The following SSB variants were observed in gnomAD, a reference collection of about 807,000 sequenced individuals.
The protein encoded by SSB is lupus La protein.
In SSB, 17 loss-of-function variants were observed where a neutral mutation model predicts 52.9. The observed-to-expected ratio is 0.32, with a 90% CI of 0.22 to 0.48. The LOEUF is 0.48. SSB is among the 20% of genes least tolerant of loss of function. The pLI is 0.99. For synonymous variants in SSB, 111 were observed against 152.1 expected, an observed-to-expected ratio of 0.73 and a Z score of 1.99; for missense variants, 314 against 463.6, an observed-to-expected ratio of 0.68 and a Z score of 2.96.
intron 6 of SSB, among the ~76,000 whole-genome samples, chr2:169,807,737 C>CTTT (rs55845251): frequency 0.16 from 11,699 of 73,528 alleles, 1,862 homozygotes; most frequent in African/African-American, 0.21. Context: ...GCCTATATGT[C>CTTT]TTTTTTTTTT....
At chr2:169,809,423 A>G (rs943872167) in intron 8 of SSB, among the ~76,000 whole-genome samples, 2 of 152,164 alleles carry the variant, frequency 1.3e-5, no homozygotes. Context: ...ATATTTTGAA[A>G]TATTCAGAAA....
In SSB at chr2:169,805,656, A is replaced by G; in HGVS notation, c.171-9A>G. The G allele has an allele frequency of 6.2e-7, 1 of 1,613,282 alleles. No homozygotes were observed. Among genetic ancestry groups the G allele is most frequent in the East Asian group, 2.2e-5 (1 of 44,840 alleles). On this transcript the variant is annotated splice_polypyrimidine_tract_variant and intron_variant, in intron 3 of 11. Transcript: ENST00000260956. ...TGCTGAGTCTTATGTTTTTATATGT[A>G]CTCTTCAGGTTGAACCGTCTAACAA... is the stretch of plus-strand genomic sequence containing the variant.
intron 8 of SSB, 144 bp downstream of exon 8, chr2:169,809,046 T>A: frequency 1.4e-6 from 1 of 724,698 alleles, no homozygotes; most frequent in Non-Finnish European, 2.5e-6. Flanking sequence ...AGGTATTATA[T>A]TGAGGGAAAA....
Position 169,811,304 on chromosome 2 carries a change from T to A in SSB, c.1119T>A (p.His373Gln). ...CTAGTGATGATGAACATGATGAACA[T>A]GATGAAAATGGTGCAACTGGTAAGT... ...KFASDDEHDEHDENGATGPVK... is the reference protein window; with the variant it reads ...KFASDDEHDEQDENGATGPVK... The change falls in exon 11 of 12, where the codon CAT becomes CAA. Residue 373 changes from histidine to glutamine, a missense_variant. Transcript: ENST00000260956. 6.3e-7 allele frequency: 1 copy of A among 1,590,470 alleles called. No individual in the cohort carries two copies. Among genetic ancestry groups the A allele is most frequent in the Non-Finnish European group, 8.5e-7 (1 of 1,173,398 alleles).
Position 169,811,284 on chromosome 2 carries a change from G to GATGATGAAC in SSB, c.1117_1125dup (p.His373_Glu375dup), listed in dbSNP as rs568710324. On this transcript the variant is annotated inframe_insertion, in exon 11 of 12. Transcript: ENST00000260956. ...GGGCAAGAAAACGAAATTTGCTAGTGATGATGAACATGATGAACATGATGA... is the reference window on the plus strand; with the variant it reads ...GGGCAAGAAAACGAAATTTGCTAGTGATGATGAACATGATGAACATGATGAACATGATGA... 2.2e-5 allele frequency: 36 copies of GATGATGAAC among 1,609,120 alleles called. No homozygotes were observed. The highest frequency in any genetic ancestry group is 3.1e-5 in the Non-Finnish European group (36 of 1,178,890).
intron 6 of SSB, among the ~76,000 whole-genome samples, chr2:169,808,156 A>G (rs1689867386): frequency 6.6e-6 from 1 of 152,124 alleles, no homozygotes; most frequent in African/African-American, 2.4e-5. Flanking sequence ...GAAATTGCTA[A>G]TGGATAGGGG....
At chr2:169,800,581 C>T (rs1214690707) in intron 1 of SSB, among the ~76,000 whole-genome samples, 1 of 131,670 alleles carries the variant, frequency 7.6e-6, no homozygotes. Flanking sequence ...AACAAATGCA[C>T]AGAGAGCCAT....
At chr2:169,807,163 C>A in intron 6 of SSB, 92 bp downstream of exon 6, 1 of 962,990 alleles carries the variant, frequency 1.0e-6, no homozygotes, top group Non-Finnish European at 1.6e-6. Context: ...CCTGAAAGGC[C>A]AATATTCTTA....
intron 2 of SSB, among the ~76,000 whole-genome samples, chr2:169,803,863 C>G (rs1211572850): frequency 6.6e-6 from 1 of 151,908 alleles, no homozygotes; most frequent in Non-Finnish European, 1.5e-5. Context: ...CTCAGCCATC[C>G]GAGTAGTTGG....
At chr2:169,803,485 G>A (rs1689753020) in intron 2 of SSB, among the ~76,000 whole-genome samples, 1 of 152,016 alleles carries the variant, frequency 6.6e-6, no homozygotes, top group African/African-American at 2.4e-5. Flanking sequence ...CCTGACCTCG[G>A]GTGATCCACC....
chr2:169,802,976 A>T (rs555923914), intron 2 of SSB, among the ~76,000 whole-genome samples: 9 of 152,186 alleles, frequency 5.9e-5, no homozygotes, highest in Non-Finnish European at 1.3e-4. Flanking sequence ...CTTATATATA[A>T]ATCTTAGTAA....
At chr2:169,801,069 A>T (rs1689702452) in intron 2 of SSB, 43 bp downstream of exon 2, 1 of 1,463,452 alleles carries the variant, frequency 6.8e-7, no homozygotes, top group Non-Finnish European at 9.2e-7. Context: ...AGTTCCTTGA[A>T]AGAAAATACA....
intron 2 of SSB, among the ~76,000 whole-genome samples, chr2:169,802,557 G>A (rs1689734539): frequency 6.6e-6 from 1 of 152,072 alleles, no homozygotes; most frequent in Admixed American, 6.6e-5. Context: ...ATACTAAGAT[G>A]TATATAGAAA....
rs1689701918 is a variant in SSB, at chr2:169,801,036, C to T, written c.66+10C>T. On this transcript the variant is annotated intron_variant, in intron 2 of 11. Transcript: ENST00000260956. ...CTGTCATCAAATTGAGGTATGATTC[C>T]TGTGCTATAAACTGCAAAAACAAGT... The T allele has an allele frequency of 6.3e-7, 1 of 1,585,706 alleles. No homozygotes were observed. The highest frequency in any genetic ancestry group is 1.9e-5 in the Admixed American group (1 of 53,872).
rs766329392 is a variant in SSB, at chr2:169,811,815, G to C, written c.*59G>C. The C allele has an allele frequency of 1.2e-6, 2 of 1,613,512 alleles. No homozygotes were observed. The highest frequency in any genetic ancestry group is 3.3e-5 in the Admixed American group (2 of 59,962). On this transcript the variant is annotated 3_prime_UTR_variant, in exon 12 of 12. Coordinates refer to ENST00000260956, the MANE Select transcript of SSB (RefSeq NM_003142.5). ...GGTTTTAAACGACTTTTGTTTGCGG[G>C]GCTTTTAAAAGGAAAACCGAATTAG...
At chr2:169,805,236 A>T (rs1484340127) in intron 2 of SSB, among the ~76,000 whole-genome samples, 1 of 152,154 alleles carries the variant, frequency 6.6e-6, no homozygotes, top group Non-Finnish European at 1.5e-5. Context: ...ATAATCTTTA[A>T]ATATATTCTT....
chr2:169,805,732 A>G lies in SSB; in HGVS notation c.238A>G (p.Met80Val), dbSNP rs765070949. Reference sequence around the variant, plus strand: ...ATTGAGCAAATCCAAGGCAGAACTCATGGAAATCAGTGAAGATAAAACTAA... The same window carrying G: ...ATTGAGCAAATCCAAGGCAGAACTCGTGGAAATCAGTGAAGATAAAACTAA... Reference protein sequence around the residue: ...EALSKSKAELMEISEDKTKIR... With the variant: ...EALSKSKAELVEISEDKTKIR... Residue 80 changes from methionine to valine, a missense_variant, in exon 4 of 12, where the codon ATG becomes GTG. Physicochemically the swap from Met to Val is conservative, Grantham distance 21 (BLOSUM62 1). Coordinates refer to ENST00000260956, the MANE Select transcript of SSB (RefSeq NM_003142.5). 8.7e-6 allele frequency: 14 copies of G among 1,614,160 alleles called. No homozygotes were observed. The highest frequency in any genetic ancestry group is 1.0e-5 in the Non-Finnish European group (12 of 1,180,030).
chr2:169,811,921 C>T lies in SSB; in HGVS notation c.*165C>T. On this transcript the variant is annotated 3_prime_UTR_variant, in exon 12 of 12. Transcript: ENST00000260956. Reference sequence around the variant, plus strand: ...TCTTTTTGTTATGCAAATGAGATTTCTTTGAATGTATTGTTCTGTTTGTGT... The same window carrying T: ...TCTTTTTGTTATGCAAATGAGATTTTTTTGAATGTATTGTTCTGTTTGTGT... 6.5e-7 allele frequency: 1 copy of T among 1,536,806 alleles called. No homozygotes were observed. Among genetic ancestry groups the T allele is most frequent in the South Asian group, 1.2e-5 (1 of 86,658 alleles).
At chr2:169,808,696 C>G (rs1689880116) in intron 7 of SSB, 143 bp downstream of exon 7, 1 of 1,016,718 alleles carries the variant, frequency 9.8e-7, no homozygotes, top group Admixed American at 2.4e-5. Flanking sequence ...TTGACAATCT[C>G]AGGGCCAAAT....
Sources: gnomAD v4.1 joint callset for allele counts (sites outside exome capture counted in the v4.1 genomes callset) on GRCh38, gnomAD v4.1.1 for gene constraint, MANE v1.5 for transcripts, NCBI Gene and HGNC (gene_info 2026-07-23, HGNC 2026-07-21) for gene names.